Variants in XRCC4 observed in about 807,000 individuals in gnomAD.
XRCC4 encodes the protein X-ray repair cross complementing 4, also known as DNA repair protein XRCC4.
XRCC4 carries 28 observed loss-of-function variants against 39.1 expected under a neutral mutation model. That is an observed-to-expected ratio of 0.72 (90% confidence interval 0.53 to 0.98). XRCC4 has a LOEUF of 0.98. Among genes scored for constraint, XRCC4 ranks in the 50% least tolerant of loss-of-function variants. The probability of loss-of-function intolerance (pLI) is 0.00; values close to 1 mark genes in which losing one functional copy is unlikely to be tolerated. For missense variants in XRCC4, 350 were observed against 376.4 expected (o/e 0.93, Z 0.58); for synonymous variants, 123 against 126.4 (o/e 0.97, Z 0.18).
chr5:83,153,228 T>G (rs899738916), intron 3 of XRCC4, among the ~76,000 whole-genome samples: 27 of 151,538 alleles, frequency 1.8e-4, no homozygotes, highest in African/African-American at 6.6e-4. Flanking sequence ...TTTTTTTTTT[T>G]GACAGAGTCT....
chr5:83,246,230 A>G (rs767147035), intron 6 of XRCC4, among the ~76,000 whole-genome samples: 2 of 151,984 alleles, frequency 1.3e-5, no homozygotes, highest in African/African-American at 4.8e-5. Context: ...CAGCTGTGTT[A>G]TGTTAACCTC....
At chr5:83,132,128 T>C (rs7703711) in intron 3 of XRCC4, among the ~76,000 whole-genome samples, 73,567 of 151,858 alleles carry the variant, frequency 0.48, 18,794 homozygotes, top group African/African-American at 0.63. Context: ...TTTATTTCTC[T>C]TTCACTTATG....
At chr5:83,251,563 T>G (rs1355200275) in intron 6 of XRCC4, among the ~76,000 whole-genome samples, 1 of 151,800 alleles carries the variant, frequency 6.6e-6, no homozygotes, top group East Asian at 1.9e-4. Flanking sequence ...CATTGAAATG[T>G]TTTGTAGGCG....
chr5:83,241,354 T>G (rs1357616921), intron 6 of XRCC4, among the ~76,000 whole-genome samples: 3 of 152,168 alleles, frequency 2.0e-5, no homozygotes, highest in Non-Finnish European at 4.4e-5. Context: ...GCCATATTAA[T>G]GATTTATATT....
chr5:83,139,699 C>T (rs1438488161), intron 3 of XRCC4, among the ~76,000 whole-genome samples: 6 of 152,132 alleles, frequency 3.9e-5, no homozygotes. Flanking sequence ...GCCTGTTGCT[C>T]CAAGGCTACA....
chr5:83,226,030 C>T (rs1007660791), intron 6 of XRCC4, among the ~76,000 whole-genome samples: 9 of 151,928 alleles, frequency 5.9e-5, no homozygotes, highest in Non-Finnish European at 1.2e-4. Flanking sequence ...GGGGGATAAA[C>T]AGGGATCTGC....
chr5:83,265,236 AAC>A lies in XRCC4; in HGVS notation c.893+6560_893+6561del, dbSNP rs1179098646. Among the ~76,000 whole-genome samples the A allele has an allele frequency of 2.4e-3, 369 of 152,274 alleles. 1 individual carries two copies. Among genetic ancestry groups the A allele is most frequent in the African/African-American group, 8.5e-3 (355 of 41,558 alleles). On this transcript the variant is annotated intron_variant, in intron 7 of 7. Transcript: ENST00000396027. ...AATTTTTGTAGATTTTTGGTACCTGAACTATAGACTTTTTAAATGTCAAATTA... is the reference window on the plus strand; with the variant it reads ...AATTTTTGTAGATTTTTGGTACCTGATATAGACTTTTTAAATGTCAAATTA...
intron 3 of XRCC4, among the ~76,000 whole-genome samples, chr5:83,153,137 G>A (rs1325582542): frequency 2.6e-5 from 4 of 152,130 alleles, no homozygotes; most frequent in Middle Eastern, 6.8e-3. Flanking sequence ...CAATCTTTTA[G>A]GACTGGCTTT....
At chr5:83,192,891 CAG>C (rs1750776920) in intron 3 of XRCC4, among the ~76,000 whole-genome samples, 1 of 152,048 alleles carries the variant, frequency 6.6e-6, no homozygotes, top group Non-Finnish European at 1.5e-5. Context: ...TTTGAAGTGA[CAG>C]AACTGATAAA....
intron 3 of XRCC4, among the ~76,000 whole-genome samples, chr5:83,157,461 G>A (rs1350492065): frequency 6.6e-6 from 1 of 151,940 alleles, no homozygotes; most frequent in African/African-American, 2.4e-5. Context: ...GGCATTTGGG[G>A]AAATCCTGTA....
intron 3 of XRCC4, among the ~76,000 whole-genome samples, chr5:83,172,299 T>G (rs1254950301): frequency 6.6e-6 from 1 of 152,130 alleles, no homozygotes; most frequent in Non-Finnish European, 1.5e-5. Context: ...CATCGATCAG[T>G]TAATATTTAT....
chr5:83,187,858 T>C (rs1422821952), intron 3 of XRCC4, among the ~76,000 whole-genome samples: 1 of 152,156 alleles, frequency 6.6e-6, no homozygotes, highest in East Asian at 1.9e-4. Flanking sequence ...TTTAATTTAA[T>C]TAAATTTAAA....
chr5:83,183,876 G>A (rs1750317101), intron 3 of XRCC4, among the ~76,000 whole-genome samples: 1 of 151,806 alleles, frequency 6.6e-6, no homozygotes. Flanking sequence ...CTATCTTATG[G>A]GCAATTTTCT....
intron 4 of XRCC4, among the ~76,000 whole-genome samples, chr5:83,199,232 T>TA (rs2112712986): frequency 6.6e-6 from 1 of 152,260 alleles, no homozygotes; most frequent in East Asian, 1.9e-4. Context: ...GATAGCCCGT[T>TA]ACAGTGTTTA....
intron 7 of XRCC4, among the ~76,000 whole-genome samples, chr5:83,286,134 A>C (rs1443876486): frequency 6.6e-6 from 1 of 151,890 alleles, no homozygotes; most frequent in Non-Finnish European, 1.5e-5. Context: ...TCTAAATGTG[A>C]CTCTTGAGAC....
chr5:83,097,509 C>T (rs376817524), intron 1 of XRCC4, among the ~76,000 whole-genome samples: 10 of 151,620 alleles, frequency 6.6e-5, no homozygotes, highest in Admixed American at 1.3e-4. Flanking sequence ...ATTCCTTTTT[C>T]ACACAAGTGC....
At chr5:83,129,647 T>A (rs530183179) in intron 3 of XRCC4, among the ~76,000 whole-genome samples, 112 of 152,258 alleles carry the variant, frequency 7.4e-4, no homozygotes, top group African/African-American at 2.5e-3. Context: ...CCTCTTTTAT[T>A]TCATTGAGCG....
chr5:83,078,326 TC>T (rs1201093301), intron 1 of XRCC4, among the ~76,000 whole-genome samples: 7 of 152,256 alleles, frequency 4.6e-5, no homozygotes, highest in Admixed American at 3.3e-4. Context: ...TTCTTGGAAT[TC>T]TAATAAAGTA....
intron 6 of XRCC4, among the ~76,000 whole-genome samples, chr5:83,226,019 C>G (rs901424719): frequency 6.6e-6 from 1 of 152,044 alleles, no homozygotes; most frequent in African/African-American, 2.4e-5. Flanking sequence ...GAAACCTCTT[C>G]GGGGGATAAA....
Sources: allele counts gnomAD v4.1 joint callset (sites outside exome capture counted in the v4.1 genomes callset), GRCh38; gene constraint gnomAD v4.1.1; transcripts MANE v1.5; gene names NCBI Gene and HGNC (gene_info 2026-07-23, HGNC 2026-07-21).